Variants in MON2 observed in about 807,000 individuals in gnomAD.
MON2 encodes the protein protein MON2 homolog.
A neutral mutation model predicts 208.6 loss-of-function variants in MON2; 84 were observed. The observed-to-expected ratio is 0.40, with a 90% confidence interval of 0.34 to 0.48. MON2 has a LOEUF of 0.48. Among genes scored for constraint, MON2 ranks in the 20% least tolerant of loss-of-function variants. The pLI is 0.59. For synonymous variants in MON2, 660 were observed against 694.0 expected (o/e 0.95, Z 0.77); for missense variants, 1,611 against 2,015.4 (o/e 0.80, Z 3.84).
intron 8 of MON2, among the ~76,000 whole-genome samples, chr12:62,512,753 C>G (rs1334273598): frequency 6.6e-6 from 1 of 152,196 alleles, no homozygotes; most frequent in Non-Finnish European, 1.5e-5. Flanking sequence ...CCTCACATTT[C>G]CCTTCTGTAT....
chr12:62,543,273 A>G (rs2073320814), intron 20 of MON2, 75 bp downstream of exon 20: 1 of 740,068 alleles, frequency 1.4e-6, no homozygotes, highest in South Asian at 3.3e-5. Context: ...CTAAATAGCC[A>G]TTTGAAAAAT....
chr12:62,574,709 A>G (rs1318402355), intron 30 of MON2, among the ~76,000 whole-genome samples: 3 of 152,138 alleles, frequency 2.0e-5, no homozygotes, highest in South Asian at 4.1e-4. Context: ...TTTCTACTCC[A>G]TGGAGTAGTT....
intron 30 of MON2, among the ~76,000 whole-genome samples, chr12:62,574,969 T>A (rs1472936820): frequency 6.6e-6 from 1 of 151,518 alleles, no homozygotes; most frequent in Admixed American, 6.6e-5. Flanking sequence ...ACAAAAAAAA[T>A]TTAAAAATTA....
At chr12:62,574,473 C>T (rs924799875) in intron 30 of MON2, among the ~76,000 whole-genome samples, 2 of 152,062 alleles carry the variant, frequency 1.3e-5, no homozygotes, top group Admixed American at 6.6e-5. Flanking sequence ...ACCTCCTGGC[C>T]TCAGGTGATT....
intron 26 of MON2, chr12:62,564,953 C>A: frequency 3.8e-6 from 1 of 265,390 alleles, no homozygotes; most frequent in South Asian, 5.5e-5. Flanking sequence ...GATTGTAGAA[C>A]CTGAGGACTG....
At chr12:62,520,880 TA>T (rs2071996120) in intron 8 of MON2, among the ~76,000 whole-genome samples, 1 of 142,166 alleles carries the variant, frequency 7.0e-6, no homozygotes, top group Non-Finnish European at 1.5e-5. Context: ...TATGTAAAGA[TA>T]TTATTTTTTT....
chr12:62,495,409 G>A (rs948675265), intron 4 of MON2, among the ~76,000 whole-genome samples: 4 of 151,918 alleles, frequency 2.6e-5, no homozygotes, highest in African/African-American at 9.7e-5. Context: ...AAGAGAGAAA[G>A]TAGCCCAAGA....
intron 32 of MON2, among the ~76,000 whole-genome samples, chr12:62,582,610 T>C (rs919790131): frequency 2.6e-5 from 4 of 152,216 alleles, no homozygotes; most frequent in African/African-American, 4.8e-5. Flanking sequence ...CATGGTTAAA[T>C]TCCCAGGACC....
intron 1 of MON2, among the ~76,000 whole-genome samples, chr12:62,481,155 C>T (rs2069403863): frequency 6.6e-6 from 1 of 152,188 alleles, no homozygotes; most frequent in East Asian, 1.9e-4. Context: ...GCCAATCCAT[C>T]ATCATCTCTT....
At chr12:62,487,985 T>C (rs1651296057) in intron 2 of MON2, among the ~76,000 whole-genome samples, 1 of 152,178 alleles carries the variant, frequency 6.6e-6, no homozygotes, top group Non-Finnish European at 1.5e-5. Context: ...CAACATCTTA[T>C]TGTGACTTAT....
intron 2 of MON2, 147 bp from the exon 3 acceptor site, chr12:62,493,768 T>G: frequency 3.8e-6 from 2 of 528,586 alleles, no homozygotes; most frequent in Non-Finnish European, 6.4e-6. Context: ...GTATTTTAAC[T>G]CTTGGTACTT....
chr12:62,544,290 T>A (rs1408889331), intron 20 of MON2, among the ~76,000 whole-genome samples: 2 of 151,862 alleles, frequency 1.3e-5, no homozygotes, highest in African/African-American at 2.4e-5. Flanking sequence ...ACAAAAAATT[T>A]AAAAAATTAG....
rs562859137 is a variant in MON2, at chr12:62,560,365, A to T, written c.3410-126A>T. The T allele has an allele frequency of 1.8e-4, 168 of 921,504 alleles. 1 individual carries two copies. Among genetic ancestry groups the T allele is most frequent in the Non-Finnish European group, 1.7e-4 (104 of 611,822 alleles). 57.1% of individuals were successfully genotyped at this position (921,504 alleles called of 1,614,324 possible). Reference sequence around the variant, plus strand: ...ATTGTTAGTACCTTAGTACCTAGTCATATATTTTCCAGTTCTGTAGGATTT... The same window carrying T: ...ATTGTTAGTACCTTAGTACCTAGTCTTATATTTTCCAGTTCTGTAGGATTT... On this transcript the variant is annotated intron_variant, in intron 25 of 34. Transcript: ENST00000393630.
chr12:62,547,754 TATGTTTCGGTAC>T (rs2073557259), intron 22 of MON2, among the ~76,000 whole-genome samples: 1 of 152,196 alleles, frequency 6.6e-6, no homozygotes. Flanking sequence ...TATGTTTAGA[TATGTTTCGGTAC>T]ATAAATACTT....
At chr12:62,536,224 A>AT (rs11379977) in intron 14 of MON2, among the ~76,000 whole-genome samples, 79,154 of 150,780 alleles carry the variant, frequency 0.52, 21,017 homozygotes, top group Middle Eastern at 0.61. Context: ...GGTGATTGTT[A>AT]TTTTTTTTTA....
At chr12:62,532,409 T>G (rs759161484) in intron 11 of MON2, 29 bp from the exon 12 acceptor site, 8 of 1,476,216 alleles carry the variant, frequency 5.4e-6, no homozygotes, top group Non-Finnish European at 7.6e-6. Flanking sequence ...TGGCTTCTCA[T>G]TAGTATTCTA....
chr12:62,544,849 G>T, intron 20 of MON2, 49 bp from the exon 21 acceptor site: 1 of 1,583,380 alleles, frequency 6.3e-7, no homozygotes, highest in African/African-American at 1.4e-5. Flanking sequence ...ATTGATGTGT[G>T]ATTCATAGCT....
intron 8 of MON2, among the ~76,000 whole-genome samples, chr12:62,514,663 G>T (rs1053034894): frequency 6.6e-6 from 1 of 152,158 alleles, no homozygotes; most frequent in Non-Finnish European, 1.5e-5. Context: ...ATGAGATTTG[G>T]TTGGGGACAC....
chr12:62,538,163 A>G lies in MON2; in HGVS notation c.2186A>G (p.Glu729Gly), dbSNP rs1269887160. The change falls in exon 17 of 35, where the codon GAA (glutamate) becomes GGA (glycine). Residue 729 changes from glutamate (E) to glycine (G), a missense_variant. Coordinates refer to ENST00000393630, the MANE Select transcript of MON2 (RefSeq NM_015026.3). ...GGALKPGRAV[E>G]GPSTVLTTAV... Reference sequence around the variant, plus strand: ...GCCTTGAAACCTGGGAGAGCTGTAGAAGGACCCAGTACAGTAAGCTCTAGT... The same window carrying G: ...GCCTTGAAACCTGGGAGAGCTGTAGGAGGACCCAGTACAGTAAGCTCTAGT... 1.2e-6 allele frequency: 2 copies of G among 1,613,826 alleles called. No homozygotes were observed. The highest frequency in any genetic ancestry group is 3.3e-5 in the Admixed American group (2 of 60,002).
Sources: allele counts gnomAD v4.1 joint callset (sites outside exome capture counted in the v4.1 genomes callset), GRCh38; gene constraint gnomAD v4.1.1; transcripts MANE v1.5; gene names NCBI Gene and HGNC (gene_info 2026-07-23, HGNC 2026-07-21).